Variants in VPS13D observed in about 807,000 individuals in gnomAD.
VPS13D encodes the protein intermembrane lipid transfer protein VPS13D.
In VPS13D, 187 loss-of-function variants were observed where a neutral mutation model predicts 461.9. The ratio of observed to expected loss-of-function variants is 0.40; its 90% CI spans 0.36 to 0.46. The LOEUF is 0.46. VPS13D is among the 20% of genes least tolerant of loss of function. VPS13D has a pLI of 0.60. For missense variants in VPS13D, 4,711 were observed against 5,364.9 expected (o/e 0.88, Z 3.81); for synonymous variants, 1,951 against 1,986.3 (o/e 0.98, Z 0.47).
intron 65 of VPS13D, among the ~76,000 whole-genome samples, chr1:12,429,255 C>T (rs1368602902): frequency 6.6e-6 from 1 of 151,752 alleles, no homozygotes; most frequent in African/African-American, 2.4e-5. Flanking sequence ...GTGTTATTGT[C>T]TAGCTATTTT....
chr1:12,349,005 G>A, intron 45 of VPS13D, 32 bp downstream of exon 45: 2 of 1,613,648 alleles, frequency 1.2e-6, no homozygotes, highest in Non-Finnish European at 1.7e-6. Context: ...TATAGTAAAT[G>A]CTGATAAATA....
At chr1:12,285,640 C>T (rs1027466694) in intron 21 of VPS13D, among the ~76,000 whole-genome samples, 19 of 152,080 alleles carry the variant, frequency 1.2e-4, no homozygotes, top group Non-Finnish European at 2.2e-4. Context: ...ACTCTACATA[C>T]GTCAGTATTT....
rs1643886295 is a variant in VPS13D at position 12,356,411 on chromosome 1, C to A, written c.9885C>A (p.Ile3295=). ...WLINKTGLPL[I]FRQDNAKTDA... is the part of the protein sequence containing the mutation. ...TCCTTCCTAAAGGGTTGCCACTGAT[C>A]TTCAGACAGGACAATGCCAAGACAG... Residue 3295 remains isoleucine (I), a synonymous_variant, in exon 49 of 70, where the codon ATC becomes ATA. Transcript: ENST00000620676. 5.0e-6 allele frequency: 8 copies of A among 1,613,794 alleles called. No homozygotes were observed. Among genetic ancestry groups the A allele is most frequent in the Non-Finnish European group, 6.8e-6 (8 of 1,179,898 alleles).
chr1:12,321,776 T>C, intron 32 of VPS13D, 33 bp from the exon 33 acceptor site: 1 of 1,579,604 alleles, frequency 6.3e-7, no homozygotes, highest in Non-Finnish European at 8.6e-7. Flanking sequence ...AAATCAGACA[T>C]TAATTCTCGC....
chr1:12,240,425 T>C (rs952945983), intron 2 of VPS13D, among the ~76,000 whole-genome samples: 1 of 151,862 alleles, frequency 6.6e-6, no homozygotes, highest in Admixed American at 6.6e-5. Flanking sequence ...TGAAACCCTG[T>C]CTCTACTAAA....
chr1:12,408,912 A>G (rs935505340), intron 63 of VPS13D, among the ~76,000 whole-genome samples: 2 of 151,814 alleles, frequency 1.3e-5, no homozygotes, highest in African/African-American at 4.8e-5. Flanking sequence ...CCTGATCTGT[A>G]TGTTAAAGGT....
At chr1:12,482,823 C>T (rs1425269357) in intron 67 of VPS13D, among the ~76,000 whole-genome samples, 1 of 144,198 alleles carries the variant, frequency 6.9e-6, no homozygotes, top group Non-Finnish European at 1.5e-5. Context: ...TATGATTTGA[C>T]ATGAATGGGA....
chr1:12,403,261 C>A (rs1315487201), intron 62 of VPS13D, among the ~76,000 whole-genome samples: 1 of 152,210 alleles, frequency 6.6e-6, no homozygotes, highest in Non-Finnish European at 1.5e-5. Context: ...CATGAGATGG[C>A]AAGTAAAAAA....
rs192507619 is a variant in VPS13D, at chr1:12,235,574, G to A, written c.97+1211G>A. Among the ~76,000 whole-genome samples the A allele has an allele frequency of 3.7e-3, 564 of 151,770 alleles. 2 individuals carry two copies. Among genetic ancestry groups the A allele is most frequent in the Non-Finnish European group, 5.2e-3 (351 of 67,914 alleles). On this transcript the variant is annotated intron_variant, in intron 2 of 69. Transcript: ENST00000620676. ...TGGGCAACAAGAGTGAAACTCCATC[G>A]CAAAAAATAAAAAATAAAAAAAAAG...
At position 12,417,322 on chromosome 1, in the gene VPS13D, G is replaced by T. The variant is rs374959555; in HGVS notation, c.12333+495G>T. On this transcript the variant is annotated intron_variant, in intron 65 of 69. Coordinates refer to ENST00000620676, the MANE Select transcript of VPS13D (RefSeq NM_015378.4). Reference sequence around the variant, plus strand: ...GTCATTCTCCAGTATCTTGCAGCTAGTTGACTGGTTTGTTCACTGACATCT... The same window carrying T: ...GTCATTCTCCAGTATCTTGCAGCTATTTGACTGGTTTGTTCACTGACATCT... Among the ~76,000 whole-genome samples, 15 of 152,344 alleles carry T rather than the reference G, an allele frequency of 9.8e-5. No homozygotes were observed. The East Asian group carries it at 1.5e-3, about 16-fold the overall frequency.
chr1:12,478,628 CT>C (rs1276643582), intron 67 of VPS13D: 2 of 359,200 alleles, frequency 5.6e-6, no homozygotes, highest in African/African-American at 4.3e-5. Flanking sequence ...CTGCACGTTT[CT>C]TTTCTTCAAA....
At chr1:12,484,967 TAC>T (rs951925334) in intron 67 of VPS13D, among the ~76,000 whole-genome samples, 6 of 152,204 alleles carry the variant, frequency 3.9e-5, no homozygotes, top group South Asian at 2.1e-4. Context: ...TGTGCACGTG[TAC>T]ACACACGTGT....
intron 25 of VPS13D, among the ~76,000 whole-genome samples, chr1:12,300,118 G>T (rs1642382683): frequency 6.6e-6 from 1 of 151,172 alleles, no homozygotes; most frequent in South Asian, 2.1e-4. Context: ...ACCTTAGGAG[G>T]GTATCTGTTG....
At chr1:12,285,959 T>TTTCCC (rs1557686422) in intron 21 of VPS13D, among the ~76,000 whole-genome samples, 4 of 129,050 alleles carry the variant, frequency 3.1e-5, no homozygotes, top group African/African-American at 1.3e-4. Flanking sequence ...TTTCCTTTCC[T>TTTCCC]TTCCTTTCCT....
Position 12,341,773 on chromosome 1 carries a change from G to A in VPS13D, c.8627-7G>A. On this transcript the variant is annotated splice_polypyrimidine_tract_variant and splice_region_variant and intron_variant, in intron 40 of 69. Transcript: ENST00000620676. ...GTCTGCTCATAGCCTTCTTCTGTTTGTCGTAGCAGAGGTGAAAACCCCCAA... is the reference window on the plus strand; with the variant it reads ...GTCTGCTCATAGCCTTCTTCTGTTTATCGTAGCAGAGGTGAAAACCCCCAA... The A allele has an allele frequency of 6.2e-7, 1 of 1,613,430 alleles. No individual in the cohort carries two copies. The highest frequency in any genetic ancestry group is 8.5e-7 in the Non-Finnish European group (1 of 1,179,584).
intron 47 of VPS13D, 109 bp downstream of exon 47, chr1:12,354,330 TATCTC>T: frequency 7.4e-7 from 1 of 1,352,696 alleles, no homozygotes; most frequent in Non-Finnish European, 1.0e-6. Flanking sequence ...GCACATATAA[TATCTC>T]AATAAGCCAG....
intron 15 of VPS13D, 34 bp from the exon 16 acceptor site, chr1:12,268,672 T>C (rs768900437): frequency 6.3e-7 from 1 of 1,594,260 alleles, no homozygotes; most frequent in South Asian, 1.1e-5. Context: ...GTTTTTGCCT[T>C]GTTCCGTGTT....
At chr1:12,362,976 C>A in intron 51 of VPS13D, 96 bp from the exon 52 acceptor site, 1 of 1,578,198 alleles carries the variant, frequency 6.3e-7, no homozygotes, top group Non-Finnish European at 8.6e-7. Flanking sequence ...ACCCAGATAG[C>A]TCCTGTTAGA....
chr1:12,449,047 T>G (rs1227319561), intron 65 of VPS13D, among the ~76,000 whole-genome samples: 2 of 151,884 alleles, frequency 1.3e-5, no homozygotes. Flanking sequence ...GAAAAAGGAG[T>G]GTCTGTTGCC....
Sources: gnomAD v4.1 joint callset for allele counts (sites outside exome capture counted in the v4.1 genomes callset) on GRCh38, gnomAD v4.1.1 for gene constraint, MANE v1.5 for transcripts, NCBI Gene and HGNC (gene_info 2026-07-23, HGNC 2026-07-21) for gene names.